The following CLVS1 variants were observed in gnomAD, a reference collection of about 807,000 sequenced individuals.
CLVS1 encodes clavesin-1.
A neutral mutation model predicts 33.1 loss-of-function variants in CLVS1; 10 were observed. The ratio of observed to expected loss-of-function variants is 0.30; its 90% confidence interval spans 0.19 to 0.51. The LOEUF (loss-of-function observed/expected upper bound fraction) is 0.51, where lower values mean the gene tolerates loss of function less well. CLVS1 is among the 20% of genes least tolerant of loss of function. CLVS1 has a pLI of 0.97. For synonymous variants in CLVS1, 163 were observed against 166.1 expected, an observed-to-expected ratio of 0.98 and a Z score of 0.14; for missense variants, 343 against 433.4, an observed-to-expected ratio of 0.79 and a Z score of 1.85.
At chr8:61,096,852 C>T (rs1020296848) in intron 1 of CLVS1, among the ~76,000 whole-genome samples, 8 of 152,194 alleles carry the variant, frequency 5.3e-5, no homozygotes, top group African/African-American at 1.9e-4. Context: ...TCCTACCCCT[C>T]ACCCCAACTA....
chr8:61,090,473 G>C (rs996403096), intron 1 of CLVS1, among the ~76,000 whole-genome samples: 3 of 151,932 alleles, frequency 2.0e-5, no homozygotes, highest in African/African-American at 4.8e-5. Context: ...CCCAAAATTC[G>C]ATAGGCAGAA....
chr8:61,080,272 C>T lies in CLVS1; in HGVS notation c.-243+23042C>T, dbSNP rs368699505. On this transcript the variant is annotated intron_variant, in intron 1 of 2. Coordinates refer to the CLVS1 transcript ENST00000522621. ...TACAAGTCTACTTGGTCACCAGTAG[C>T]TCCCCTGGTTATGTATTGCCAACAT... 1.3e-5 allele frequency among the ~76,000 whole-genome samples: 2 copies of T among 152,174 alleles called. 1 individual carries two copies. The highest frequency in any genetic ancestry group is 3.8e-4 in the East Asian group (2 of 5,204).
At chr8:61,371,454 ATGTCTTGC>A (rs1813434197) in intron 2 of CLVS1, among the ~76,000 whole-genome samples, 1 of 152,100 alleles carries the variant, frequency 6.6e-6, no homozygotes, top group Non-Finnish European at 1.5e-5. Flanking sequence ...TCTGTAATAG[ATGTCTTGC>A]TGCAGCACAA....
At chr8:61,194,184 T>C (rs930048631) in intron 2 of CLVS1, among the ~76,000 whole-genome samples, 1 of 152,018 alleles carries the variant, frequency 6.6e-6, no homozygotes, top group Non-Finnish European at 1.5e-5. Context: ...TAGAATAAAA[T>C]GGTACATTTA....
At chr8:61,168,412 T>C (rs1413345193) in intron 2 of CLVS1, among the ~76,000 whole-genome samples, 1 of 152,218 alleles carries the variant, frequency 6.6e-6, no homozygotes, top group Non-Finnish European at 1.5e-5. Context: ...CTTATGTAAA[T>C]GGTCAGGCCA....
At chr8:61,321,564 C>G (rs768053012) in intron 2 of CLVS1, among the ~76,000 whole-genome samples, 6 of 151,970 alleles carry the variant, frequency 3.9e-5, no homozygotes, top group Non-Finnish European at 7.4e-5. Flanking sequence ...CTACCTAGAG[C>G]ATTTCTTTGT....
intron 2 of CLVS1, among the ~76,000 whole-genome samples, chr8:61,163,967 A>T (rs1050891418): frequency 2.0e-5 from 3 of 152,156 alleles, no homozygotes; most frequent in Admixed American, 2.0e-4. Context: ...AGTGAAAACA[A>T]AGCTCCCATA....
At chr8:61,043,218 G>A in the CLVS1 span, among the ~76,000 whole-genome samples, 4 of 152,140 alleles carry the variant, frequency 2.6e-5, no homozygotes, top group East Asian at 7.7e-4. Flanking sequence ...ACTTACCTTG[G>A]CAGAATCCTC....
intron 5 of CLVS1, among the ~76,000 whole-genome samples, chr8:61,468,735 A>AAAAAAAAAAAAAAAAAAG (rs1217287345): frequency 7.2e-6 from 1 of 138,740 alleles, no homozygotes; most frequent in Non-Finnish European, 1.5e-5. Context: ...AAAAAAAAAA[A>AAAAAAAAAAAAAAAAAAG]AAAAGGTAGT....
At chr8:61,462,305 T>C (rs778978548) in intron 5 of CLVS1, among the ~76,000 whole-genome samples, 2 of 152,242 alleles carry the variant, frequency 1.3e-5, no homozygotes, top group Non-Finnish European at 2.9e-5. Flanking sequence ...TTCAATTTAC[T>C]TTGTCCAGAT....
rs992211755 is a variant in CLVS1 at position 61,120,252 on chromosome 8, G to A, written c.-242-11518G>A. 2.1e-5 allele frequency among the ~76,000 whole-genome samples: 3 copies of A among 141,686 alleles called. No individual in the cohort carries two copies. In the East Asian group the frequency reaches 6.5e-4, roughly 30 times the overall value. The allele number at this position is 141,686 out of a possible 152,430, so 93.0% of individuals were successfully genotyped here. On this transcript the variant is annotated intron_variant, in intron 1 of 2. Coordinates refer to the CLVS1 transcript ENST00000522621. ...CTCCTTTAAGCACTTGTCTGTATTG[G>A]TTATTCTAGTTATACATTCTTCTAA...
intron 2 of CLVS1, among the ~76,000 whole-genome samples, chr8:61,365,734 T>A (rs775929065): frequency 4.0e-5 from 6 of 150,596 alleles, no homozygotes; most frequent in South Asian, 2.1e-4. Context: ...TTTGTGATTT[T>A]AGAAGATGCC....
chr8:61,374,139 C>T (rs987679470), intron 2 of CLVS1, among the ~76,000 whole-genome samples: 1 of 152,172 alleles, frequency 6.6e-6, no homozygotes, highest in Non-Finnish European at 1.5e-5. Context: ...TACACTGTAT[C>T]CTCAAGGAGG....
intron 2 of CLVS1, among the ~76,000 whole-genome samples, chr8:61,326,080 G>A (rs948816613): frequency 6.6e-6 from 1 of 152,080 alleles, no homozygotes; most frequent in South Asian, 2.1e-4. Context: ...AGAGATTTCC[G>A]TACTGCTCTT....
intron 1 of CLVS1, among the ~76,000 whole-genome samples, chr8:61,086,035 CAAAAAAAAAAAAAAAAA>C (rs4033854): frequency 4.8e-4 from 15 of 31,196 alleles, no homozygotes; most frequent in South Asian, 1.9e-3. Context: ...GACTCCCTCT[CAAAAAAAAAAAAAAAAA>C]AAAAAAAAAA....
At chr8:61,163,512 T>C (rs1806791460) in intron 2 of CLVS1, among the ~76,000 whole-genome samples, 2 of 152,194 alleles carry the variant, frequency 1.3e-5, no homozygotes, top group Admixed American at 1.3e-4. Context: ...CGTTGCCTTA[T>C]GTGTATTTGT....
the CLVS1 span, among the ~76,000 whole-genome samples, chr8:61,044,942 G>A: frequency 6.6e-6 from 1 of 152,314 alleles, no homozygotes; most frequent in African/African-American, 2.4e-5. Context: ...GCATGTAAAT[G>A]CACAACAAGA....
intron 3 of CLVS1, among the ~76,000 whole-genome samples, chr8:61,433,108 C>T (rs1816177807): frequency 6.6e-6 from 1 of 152,172 alleles, no homozygotes. Flanking sequence ...CACATGCCAC[C>T]ACACCTGGCT....
intron 2 of CLVS1, among the ~76,000 whole-genome samples, chr8:61,321,313 T>C (rs1442079230): frequency 6.6e-6 from 1 of 152,118 alleles, no homozygotes; most frequent in Admixed American, 6.5e-5. Context: ...GGTGGTTTGC[T>C]AGCTTGCCTC....
Sources: gnomAD v4.1 joint callset for allele counts (sites outside exome capture counted in the v4.1 genomes callset) on GRCh38, gnomAD v4.1.1 for gene constraint, MANE v1.5 for transcripts, NCBI Gene and HGNC (gene_info 2026-07-23, HGNC 2026-07-21) for gene names.